HCLS1: variants seen among roughly 807,000 people sequenced by gnomAD.
HCLS1 encodes hematopoietic cell-specific Lyn substrate 1, also known as hematopoietic lineage cell-specific protein.
A neutral mutation model predicts 68.6 loss-of-function variants in HCLS1; 44 were observed. That is an observed-to-expected ratio of 0.64 (90% CI 0.50 to 0.82). The LOEUF is 0.82. Ranked by LOEUF, HCLS1 falls within the 40% of genes least tolerant of loss-of-function variation. The pLI is 0.00. For missense variants in HCLS1, 602 were observed against 612.1 expected, an observed-to-expected ratio of 0.98 and a Z score of 0.17; for synonymous variants, 217 against 225.8, an observed-to-expected ratio of 0.96 and a Z score of 0.35.
At position 121,646,533 on chromosome 3, in the gene HCLS1, A is replaced by G. The variant is rs1937609335; in HGVS notation, c.288+786T>C. ...TATATAGTATCTGTTATATATAAGT[A>G]TATAAGTATATATTATATATATTAA... On this transcript the variant is annotated intron_variant, in intron 4 of 13. Transcript: ENST00000314583. Among the ~76,000 whole-genome samples, 8 of 108,852 alleles carry G rather than the reference A, an allele frequency of 7.3e-5. No individual in the cohort carries two copies. In the South Asian group the frequency reaches 2.1e-3, roughly 28 times the overall value. 71.4% of individuals were successfully genotyped at this position (108,852 alleles called of 152,430 possible). A position where few individuals can be genotyped will look rare whatever the true frequency, so the allele number is the denominator to read the frequency against.
rs142712112 is a variant in HCLS1, at chr3:121,636,303, G to A, written c.621+131C>T. 1,249 of 734,672 alleles carry A rather than the reference G, an allele frequency of 1.7e-3. 25 individuals are homozygous for A. The East Asian group carries it at 0.025, about 14-fold the overall frequency. The allele number at this position is 734,672 out of a possible 1,614,324, so 45.5% of individuals were successfully genotyped here. A position where few individuals can be genotyped will look rare whatever the true frequency, so the allele number is the denominator to read the frequency against. Reference sequence around the variant, plus strand: ...GGGCAGTCAGTGGGGACTGCAGGACGCCAGCAGGACAGGCTCTGTGTGCCC... The same window carrying A: ...GGGCAGTCAGTGGGGACTGCAGGACACCAGCAGGACAGGCTCTGTGTGCCC... On this transcript the variant is annotated intron_variant, in intron 8 of 13. Transcript: ENST00000314583.
intron 4 of HCLS1, among the ~76,000 whole-genome samples, chr3:121,646,984 T>A (rs1181919558): frequency 6.2e-5 from 9 of 146,072 alleles, no homozygotes; most frequent in African/African-American, 1.7e-4. Flanking sequence ...TTATTTTATT[T>A]ATTTTTTTTT....
chr3:121,639,279 A>G (rs139857201), intron 6 of HCLS1, among the ~76,000 whole-genome samples: 1 of 152,246 alleles, frequency 6.6e-6, no homozygotes, highest in East Asian at 1.9e-4. Flanking sequence ...CATATAGAAC[A>G]TTGACCAAAT....
rs766873481 is a variant in HCLS1, at chr3:121,632,401, C to A, written c.1171G>T (p.Asp391Tyr). Residue 391 changes from aspartate (D) to tyrosine (Y), a missense_variant, in exon 12 of 14, where the codon GAT becomes TAT. Transcript: ENST00000314583. ...VEEMDRHEQE[D>Y]EPEGDYEEVL... is the part of the protein sequence containing the mutation. Reference sequence around the variant, plus strand: ...TCCTCATAGTCCCCCTCTGGTTCATCCTCCTGCTCATGCCTGTCCATCTCC... The same window carrying A: ...TCCTCATAGTCCCCCTCTGGTTCATACTCCTGCTCATGCCTGTCCATCTCC... 6.2e-7 allele frequency: 1 copy of A among 1,614,094 alleles called. No individual in the cohort carries two copies. Among genetic ancestry groups the A allele is most frequent in the Non-Finnish European group, 8.5e-7 (1 of 1,179,976 alleles).
intron 3 of HCLS1, among the ~76,000 whole-genome samples, chr3:121,652,210 T>C (rs1937766148): frequency 1.3e-5 from 2 of 152,178 alleles, no homozygotes; most frequent in South Asian, 4.1e-4. Flanking sequence ...GACAAAAAGA[T>C]CAGTATGGGG....
At chr3:121,657,418 A>C (rs1474265005) in intron 2 of HCLS1, 66 bp from the exon 3 acceptor site, 1 of 1,412,800 alleles carries the variant, frequency 7.1e-7, no homozygotes, top group African/African-American at 1.4e-5. Context: ...AGGGCCACCC[A>C]ACTGACACAT....
chr3:121,634,417 AG>A lies in HCLS1; in HGVS notation c.692del (p.Ala231ValfsTer8), dbSNP rs768249755. 1 of 1,613,956 alleles carries A rather than the reference AG, an allele frequency of 6.2e-7. No homozygotes were observed. The highest frequency in any genetic ancestry group is 8.5e-7 in the Non-Finnish European group (1 of 1,179,872). ...AYKKTTPIEA[A>X]SSGTRGLKAK... ...CCTTCAGCCCACGGGTACCACTAGA[AG>A]CTGCAGACACAGGCAAGAAAAATTA... On this transcript the variant is annotated frameshift_variant and splice_region_variant, in exon 10 of 14. Coordinates refer to ENST00000314583, the MANE Select transcript of HCLS1 (RefSeq NM_005335.6). LOFTEE classifies it high-confidence loss of function.
intron 8 of HCLS1, among the ~76,000 whole-genome samples, chr3:121,636,107 G>C (rs1576461512): frequency 6.6e-6 from 1 of 152,144 alleles, no homozygotes; most frequent in African/African-American, 2.4e-5. Flanking sequence ...AGTGTAGGGA[G>C]GACAGTGGCA....
chr3:121,643,111 T>C (rs2049216564), intron 5 of HCLS1, 130 bp from the exon 6 acceptor site: 2 of 713,224 alleles, frequency 2.8e-6, no homozygotes, highest in Non-Finnish European at 2.5e-6. Flanking sequence ...AGGTGTTTAA[T>C]GTAGAAACAG....
At chr3:121,641,590 T>C (rs1304975939) in intron 6 of HCLS1, among the ~76,000 whole-genome samples, 3 of 151,936 alleles carry the variant, frequency 2.0e-5, no homozygotes, top group Non-Finnish European at 4.4e-5. Flanking sequence ...GGAACCAATA[T>C]ACTGAACAAC....
Position 121,647,379 on chromosome 3 carries a change from C to G in HCLS1, c.228G>C (p.Gly76=). The change falls in exon 4 of 14, where the codon GGG becomes GGC. Residue 76 remains glycine, a synonymous_variant. Coordinates refer to ENST00000314583, the MANE Select transcript of HCLS1 (RefSeq NM_005335.6). ...CTCCATAGCCATGGGATGCTTTGGG[C>G]CCTGACTCCATCTCTTTCTTCCTGA... The part of the protein sequence containing the change: ...DVLRKKEMES[G]PKASHGYGGR... 6.2e-7 allele frequency: 1 copy of G among 1,613,894 alleles called. No individual in the cohort carries two copies. The highest frequency in any genetic ancestry group is 2.2e-5 in the East Asian group (1 of 44,880).
intron 9 of HCLS1, 32 bp from the exon 10 acceptor site, chr3:121,634,450 T>C: frequency 6.2e-7 from 1 of 1,607,466 alleles, no homozygotes; most frequent in Non-Finnish European, 8.5e-7. Flanking sequence ...ATTAGGGTTG[T>C]CTTGGATTGG....
At position 121,634,303 on chromosome 3, in the gene HCLS1, C is replaced by T. The variant is rs780090508; in HGVS notation, c.807G>A (p.Lys269=). Residue 269 remains lysine, a synonymous_variant, in exon 10 of 14, where the codon AAG becomes AAA. Coordinates refer to ENST00000314583, the MANE Select transcript of HCLS1 (RefSeq NM_005335.6). ...QQVARRQQER[K]AVTKRSPEAP... The stretch of plus-strand genomic sequence containing the variant: ...CCTCAGGGCTCCTCTTTGTCACAGC[C>T]TTTCGCTCCTGTTGCCTCCTGGCCA... 1.2e-6 allele frequency: 2 copies of T among 1,614,086 alleles called. No individual in the cohort carries two copies. The highest frequency in any genetic ancestry group is 8.5e-7 in the Non-Finnish European group (1 of 1,180,058).
chr3:121,651,451 C>G (rs1418299238), intron 3 of HCLS1, among the ~76,000 whole-genome samples: 2 of 152,022 alleles, frequency 1.3e-5, no homozygotes, highest in African/African-American at 2.4e-5. Flanking sequence ...TTTTGTTTGT[C>G]TTTTAGAGAG....
chr3:121,632,480 A>G lies in HCLS1; in HGVS notation c.1092T>C (p.Pro364=), dbSNP rs762616081. The change falls in exon 12 of 14, where the codon CCT becomes CCC. Residue 364 remains proline, a synonymous_variant. Transcript: ENST00000314583. ...VEEEPVYEAE[P]EPEPEPEPEP... ...CGGGCTCAGGCTCGGGCTCAGGCTC[A>G]GGCTCTGCTTCGTACACTGGCTCTT... is the stretch of plus-strand genomic sequence containing the variant. 3 of 1,613,340 alleles carry G rather than the reference A, an allele frequency of 1.9e-6. No homozygotes were observed. The highest frequency in any genetic ancestry group is 2.5e-6 in the Non-Finnish European group (3 of 1,179,474).
chr3:121,639,519 T>C (rs766424630), intron 6 of HCLS1, among the ~76,000 whole-genome samples: 5 of 95,942 alleles, frequency 5.2e-5, no homozygotes, highest in Non-Finnish European at 1.3e-4. Context: ...TTTAACTGAA[T>C]GATTTTATTT....
At chr3:121,633,042 A>G in intron 11 of HCLS1, 25 bp downstream of exon 11, 2 of 1,481,836 alleles carry the variant, frequency 1.3e-6, no homozygotes, top group Non-Finnish European at 1.9e-6. Flanking sequence ...GGGTGGGGGC[A>G]GAGAATCTTT....
chr3:121,633,608 G>C (rs1411124052), intron 10 of HCLS1, among the ~76,000 whole-genome samples: 1 of 152,108 alleles, frequency 6.6e-6, no homozygotes, highest in Non-Finnish European at 1.5e-5. Flanking sequence ...TGAGATCATA[G>C]CTCACTGTAG....
chr3:121,642,835 A>T (rs1277730390), intron 6 of HCLS1, 92 bp downstream of exon 6: 2 of 1,014,976 alleles, frequency 2.0e-6, no homozygotes, highest in Non-Finnish European at 3.1e-6. Flanking sequence ...CATGGAAGTT[A>T]AAAAGCTGAT....
Sources: gnomAD v4.1 joint callset for allele counts (sites outside exome capture counted in the v4.1 genomes callset) on GRCh38, gnomAD v4.1.1 for gene constraint, MANE v1.5 for transcripts, NCBI Gene and HGNC (gene_info 2026-07-23, HGNC 2026-07-21) for gene names.